The following FLT1 variants were observed in gnomAD, a reference collection of about 807,000 sequenced individuals.
FLT1 encodes the protein vascular endothelial growth factor receptor 1.
In FLT1, 49 loss-of-function variants were observed where a neutral mutation model predicts 156.3. The observed-to-expected ratio is 0.31, with a 90% CI of 0.25 to 0.40. The LOEUF (loss-of-function observed/expected upper bound fraction) is 0.40, where lower values mean the gene tolerates loss of function less well. Among genes scored for constraint, FLT1 ranks in the 10% least tolerant of loss-of-function variants. FLT1 has a pLI of 1.00. For synonymous variants in FLT1, 594 were observed against 583.8 expected, an observed-to-expected ratio of 1.02 and a Z score of -0.25; for missense variants, 1,322 against 1,637.2, an observed-to-expected ratio of 0.81 and a Z score of 3.32.
chr13:28,488,123 C>T (rs1282283487), intron 1 of FLT1, among the ~76,000 whole-genome samples: 5 of 152,020 alleles, frequency 3.3e-5, no homozygotes, highest in South Asian at 4.2e-4. Context: ...TGGGACCAGG[C>T]GCGGTGGCTT....
intron 10 of FLT1, among the ~76,000 whole-genome samples, chr13:28,406,365 T>A (rs1875800803): frequency 6.6e-6 from 1 of 152,210 alleles, no homozygotes. Context: ...ATCAACATCA[T>A]GAAACAGTTA....
At chr13:28,453,016 CTCCCCCTCCCCT>C (rs1879043713) in intron 3 of FLT1, among the ~76,000 whole-genome samples, 1 of 28,570 alleles carries the variant, frequency 3.5e-5, no homozygotes, top group Non-Finnish European at 6.7e-5. Flanking sequence ...TCCCCTCCCC[CTCCCCCTCCCCT>C]TTCCTTTCCT....
chr13:28,452,594 C>A (rs986846686), intron 3 of FLT1, among the ~76,000 whole-genome samples: 2 of 152,130 alleles, frequency 1.3e-5, no homozygotes, highest in Non-Finnish European at 1.5e-5. Context: ...CTTTGCATGT[C>A]AGAAAGTGTT....
At chr13:28,484,324 C>T (rs1283198938) in intron 1 of FLT1, among the ~76,000 whole-genome samples, 1 of 152,218 alleles carries the variant, frequency 6.6e-6, no homozygotes, top group East Asian at 1.9e-4. Context: ...TGTGAGAGGG[C>T]AGTCCCAGCT....
At chr13:28,349,459 C>T (rs1298831671) in intron 15 of FLT1, among the ~76,000 whole-genome samples, 5 of 127,460 alleles carry the variant, frequency 3.9e-5, no homozygotes, top group African/African-American at 1.3e-4. Context: ...CACACACACA[C>T]ATGCGCACAC....
intron 15 of FLT1, 64 bp from the exon 16 acceptor site, chr13:28,345,615 G>T: frequency 9.5e-7 from 1 of 1,054,566 alleles, no homozygotes; most frequent in Non-Finnish European, 1.4e-6. Flanking sequence ...GAATCTTTGT[G>T]GTTTTATAAA....
At chr13:28,378,944 C>A (rs2137439905) in intron 14 of FLT1, among the ~76,000 whole-genome samples, 1 of 152,228 alleles carries the variant, frequency 6.6e-6, no homozygotes, top group East Asian at 1.9e-4. Context: ...CACCAGAGAA[C>A]AATGAAGTGA....
intron 1 of FLT1, 33 bp from the exon 2 acceptor site, chr13:28,467,650 T>C: frequency 8.3e-7 from 1 of 1,205,142 alleles, no homozygotes; most frequent in Non-Finnish European, 1.2e-6. Flanking sequence ...GTATTATTTG[T>C]AAATTGTCTT....
chr13:28,426,524 G>A (rs555080040), intron 10 of FLT1, among the ~76,000 whole-genome samples: 17 of 152,310 alleles, frequency 1.1e-4, no homozygotes, highest in South Asian at 4.1e-4. Context: ...AAACCTTTGC[G>A]CATCGAGTGA....
chr13:28,386,688 G>A (rs762979008), intron 13 of FLT1: 33 of 1,055,816 alleles, frequency 3.1e-5, no homozygotes, highest in East Asian at 1.1e-4. Context: ...TTTGATTTAC[G>A]ACTACTTGTA....
intron 17 of FLT1, among the ~76,000 whole-genome samples, chr13:28,338,596 AG>A (rs1463879827): frequency 6.6e-6 from 1 of 152,190 alleles, no homozygotes; most frequent in Non-Finnish European, 1.5e-5. Flanking sequence ...TGATTCCCCT[AG>A]GGCTTTCTAC....
At chr13:28,427,395 C>A (rs776307984) in intron 9 of FLT1, 77 bp from the exon 10 acceptor site, 3 of 1,285,472 alleles carry the variant, frequency 2.3e-6, no homozygotes, top group Non-Finnish European at 3.4e-6. Context: ...CATGAAGGAC[C>A]ACATTCTCAC....
chr13:28,381,005 C>G (rs1874059220), intron 14 of FLT1, among the ~76,000 whole-genome samples: 1 of 152,122 alleles, frequency 6.6e-6, no homozygotes, highest in Admixed American at 6.6e-5. Context: ...AGGACTCAAG[C>G]CCTGATCTCC....
intron 23 of FLT1, among the ~76,000 whole-genome samples, chr13:28,320,843 G>A (rs1490991261): frequency 6.6e-6 from 1 of 152,090 alleles, no homozygotes; most frequent in Non-Finnish European, 1.5e-5. Flanking sequence ...CCAGACATAA[G>A]CTTAACCCTC....
chr13:28,419,843 C>A (rs2137525689), intron 10 of FLT1, among the ~76,000 whole-genome samples: 1 of 152,322 alleles, frequency 6.6e-6, no homozygotes, highest in East Asian at 1.9e-4. Context: ...CGTGCCACTG[C>A]ACTCCAGCTT....
At chr13:28,339,389 G>T (rs1393588892) in intron 16 of FLT1, 89 bp from the exon 17 acceptor site, 1 of 1,435,512 alleles carries the variant, frequency 7.0e-7, no homozygotes, top group Admixed American at 1.9e-5. Context: ...TTTTATTTGG[G>T]ATCATTTGGT....
intron 25 of FLT1, among the ~76,000 whole-genome samples, chr13:28,313,720 G>A (rs1241092649): frequency 6.6e-6 from 1 of 152,154 alleles, no homozygotes; most frequent in African/African-American, 2.4e-5. Flanking sequence ...GGAGATGGCG[G>A]TTGCTGGGGA....
At chr13:28,328,845 C>A (rs976881565) in intron 19 of FLT1, among the ~76,000 whole-genome samples, 12 of 152,176 alleles carry the variant, frequency 7.9e-5, no homozygotes, top group African/African-American at 2.9e-4. Flanking sequence ...GAGGTTGCCA[C>A]GACAGAGAAC....
At chr13:28,427,942 A>T in intron 8 of FLT1, 21 bp from the exon 9 acceptor site, 1 of 1,610,240 alleles carries the variant, frequency 6.2e-7, no homozygotes, top group Non-Finnish European at 8.5e-7. Flanking sequence ...AAACATGATC[A>T]GTAAGTCATT....
Sources: allele counts gnomAD v4.1 joint callset (sites outside exome capture counted in the v4.1 genomes callset), GRCh38; gene constraint gnomAD v4.1.1; transcripts MANE v1.5; gene names NCBI Gene and HGNC (gene_info 2026-07-23, HGNC 2026-07-21).